The following GART variants were observed in gnomAD, a reference collection of about 807,000 sequenced individuals.
GART encodes the protein trifunctional purine biosynthetic protein adenosine-3.
Under a neutral mutation model 107.2 loss-of-function variants are expected in GART, and 43 were observed. The ratio of observed to expected loss-of-function variants is 0.40; its 90% CI spans 0.31 to 0.52. The LOEUF (loss-of-function observed/expected upper bound fraction) is 0.52, where lower values mean the gene tolerates loss of function less well. Among genes scored for constraint, GART ranks in the 20% least tolerant of loss-of-function variants. The probability of loss-of-function intolerance (pLI) is 0.52; values close to 1 mark genes in which losing one functional copy is unlikely to be tolerated. For synonymous variants in GART, 434 were observed against 427.0 expected (o/e 1.02, Z -0.20); for missense variants, 1,107 against 1,206.5 (o/e 0.92, Z 1.22).
intron 17 of GART, among the ~76,000 whole-genome samples, chr21:33,510,958 T>C (rs968479939): frequency 6.6e-6 from 1 of 152,086 alleles, no homozygotes; most frequent in African/African-American, 2.4e-5. Context: ...CGCTATTCCT[T>C]GAATCGAGCT....
At chr21:33,526,802 A>C (rs2085082319) in intron 10 of GART, among the ~76,000 whole-genome samples, 1 of 152,214 alleles carries the variant, frequency 6.6e-6, no homozygotes, top group Non-Finnish European at 1.5e-5. Context: ...AAGTGACCAA[A>C]GGGGACAGTT....
Position 33,528,181 on chromosome 21 carries a change from C to A in GART, c.1052G>T (p.Gly351Val). ...CTGACACTCACCTGTTATCTCTACA[C>A]CCTTGGTGTAGTCTCCAGGATAACC... Reference protein sequence around the residue: ...SKGYPGDYTKGVEITGFPEAQ... With the variant: ...SKGYPGDYTKVVEITGFPEAQ... Residue 351 changes from glycine to valine, a missense_variant, in exon 10 of 22, where the codon GGT becomes GTT. By Grantham distance (109) the Gly-to-Val change is moderately radical. Coordinates refer to ENST00000381815, the MANE Select transcript of GART (RefSeq NM_000819.5). 1.9e-6 allele frequency: 3 copies of A among 1,613,680 alleles called. No homozygotes were observed. The highest frequency in any genetic ancestry group is 2.5e-6 in the Non-Finnish European group (3 of 1,179,836).
In GART at chr21:33,517,563, T is replaced by C. The variant is rs755672047; in HGVS notation, c.1748A>G (p.Tyr583Cys). The C allele has an allele frequency of 6.2e-7, 1 of 1,614,222 alleles. No individual in the cohort carries two copies. Among genetic ancestry groups the C allele is most frequent in the South Asian group, 1.1e-5 (1 of 91,086 alleles). ...EMPDMYPPGEYDLAGFAVGAM... is the reference protein window; with the variant it reads ...EMPDMYPPGECDLAGFAVGAM... The stretch of plus-strand genomic sequence containing the variant: ...ACCAACGGCAAACCCAGCTAGGTCA[T>C]ACTCTCCAGGGGGATACATGTCAGG... Residue 583 changes from tyrosine (Y) to cysteine (C), a missense_variant, in exon 15 of 22, where the codon TAT becomes TGT. Physicochemically the swap from Tyr to Cys is radical, Grantham distance 194. Transcript: ENST00000381815.
chr21:33,511,357 C>T lies in GART; in HGVS notation c.2209G>A (p.Ala737Thr), dbSNP rs372288271. 32 of 1,614,042 alleles carry T rather than the reference C, an allele frequency of 2.0e-5. No homozygotes were observed. In the Middle Eastern group the frequency reaches 1.6e-3, roughly 83 times the overall value. Residue 737 changes from alanine to threonine, a missense_variant, in exon 17 of 22, where the codon GCT (alanine) becomes ACT (threonine). By Grantham distance (58) the Ala-to-Thr change is moderately conservative. Coordinates refer to ENST00000381815, the MANE Select transcript of GART (RefSeq NM_000819.5). ...MARTFNCGVG[A>T]VLVVSKEQTE... Reference sequence around the variant, plus strand: ...TGCTCCTTTGATACCACAAGGACAGCGCCAACCCCACAGTTAAATGTTCTG... The same window carrying T: ...TGCTCCTTTGATACCACAAGGACAGTGCCAACCCCACAGTTAAATGTTCTG...
chr21:33,531,581 T>A, intron 5 of GART, 24 bp from the exon 6 acceptor site: 1 of 1,574,386 alleles, frequency 6.4e-7, no homozygotes, highest in Non-Finnish European at 8.6e-7. Flanking sequence ...TTTTTTTTTT[T>A]TTTTTTTTAA....
At chr21:33,540,290 G>A (rs1051457476) in intron 1 of GART, among the ~76,000 whole-genome samples, 1 of 152,118 alleles carries the variant, frequency 6.6e-6, no homozygotes, top group Non-Finnish European at 1.5e-5. Flanking sequence ...ACCATCAAAG[G>A]TTTGTAACAA....
chr21:33,508,128 G>A (rs906679653), intron 18 of GART, among the ~76,000 whole-genome samples: 2 of 152,094 alleles, frequency 1.3e-5, no homozygotes, highest in African/African-American at 2.4e-5. Flanking sequence ...TGCTGCAAAC[G>A]ACGTGGTTTA....
Position 33,517,618 on chromosome 21 carries a change from TAAGAC to T in GART, c.1703-15_1703-11del, listed in dbSNP as rs2084902761. The T allele has an allele frequency of 6.2e-7, 1 of 1,613,954 alleles. No homozygotes were observed. Among genetic ancestry groups the T allele is most frequent in the African/African-American group, 1.3e-5 (1 of 75,058 alleles). On this transcript the variant is annotated splice_polypyrimidine_tract_variant and intron_variant, in intron 14 of 21. Coordinates refer to ENST00000381815, the MANE Select transcript of GART (RefSeq NM_000819.5). ...TCTGCTGTTTCACCTCCTGGTGGGA[TAAGAC>T]AAGAACAAAGAAATCAGAGTATTTA...
At chr21:33,520,223 T>G in intron 14 of GART, 141 bp downstream of exon 14, 1 of 690,780 alleles carries the variant, frequency 1.4e-6, no homozygotes, top group Non-Finnish European at 2.4e-6. Context: ...TTACCTATAT[T>G]TCATTTGTGC....
intron 7 of GART, among the ~76,000 whole-genome samples, chr21:33,530,487 G>T (rs993452345): frequency 1.8e-4 from 27 of 152,204 alleles, no homozygotes; most frequent in African/African-American, 6.5e-4. Flanking sequence ...AGGCTCCCAT[G>T]TGTTAAAAAT....
intron 12 of GART, among the ~76,000 whole-genome samples, 157 bp downstream of exon 12, chr21:33,522,024 TAATATTA>T (rs1392912154): frequency 6.6e-6 from 1 of 151,960 alleles, no homozygotes; most frequent in African/African-American, 2.4e-5. Flanking sequence ...AGAAATACTT[TAATATTA>T]AAGAAAAGAA....
chr21:33,539,197 G>A lies in GART; in HGVS notation c.119C>T (p.Ala40Val), dbSNP rs757263290. The change falls in exon 2 of 22, where the codon GCC (alanine) becomes GTC (valine). Residue 40 changes from alanine to valine, a missense_variant. Transcript: ENST00000381815. ...GGTATTTGAAATCTTTTCAGAGCAG[G>A]CAGTGCCTGCGTTTCCTGGGGCAAC... ...VLVAPGNAGTACSEKISNTAI... is the reference protein window; with the variant it reads ...VLVAPGNAGTVCSEKISNTAI... The A allele has an allele frequency of 3.1e-6, 5 of 1,613,688 alleles. No individual in the cohort carries two copies. The highest frequency in any genetic ancestry group is 2.2e-5 in the East Asian group (1 of 44,888).
In GART at chr21:33,517,572, G is replaced by T. The variant is rs377766009; in HGVS notation, c.1739C>A (p.Pro580His). ...AAACCCAGCTAGGTCATACTCTCCA[G>T]GGGGATACATGTCAGGCATTTCTGC... is the stretch of plus-strand genomic sequence containing the variant. ...ETAEMPDMYP[P>H]GEYDLAGFAV... Residue 580 changes from proline (P) to histidine (H), a missense_variant, in exon 15 of 22, where the codon CCT (proline) becomes CAT (histidine). Coordinates refer to ENST00000381815, the MANE Select transcript of GART (RefSeq NM_000819.5). The T allele has an allele frequency of 6.2e-7, 1 of 1,614,202 alleles. No homozygotes were observed. Among genetic ancestry groups the T allele is most frequent in the Admixed American group, 1.7e-5 (1 of 60,016 alleles).
intron 18 of GART, among the ~76,000 whole-genome samples, chr21:33,508,970 CT>C (rs988212519): frequency 5.9e-5 from 9 of 152,152 alleles, no homozygotes; most frequent in African/African-American, 2.2e-4. Context: ...TGGTTTTATT[CT>C]TTTTTATGGC....
In GART at chr21:33,509,866, G is replaced by A; in HGVS notation, c.2369C>T (p.Ser790Leu). The A allele has an allele frequency of 6.2e-7, 1 of 1,613,164 alleles. No individual in the cohort carries two copies. Among genetic ancestry groups the A allele is most frequent in the Non-Finnish European group, 8.5e-7 (1 of 1,179,432 alleles). ...TGTCAGGGAGCCATTCTTCAACACT[G>A]ACCCATTTATTTGCATGCTTTCAAT... The part of the protein sequence containing the change: ...NLIESMQING[S>L]VLKNGSLTNH... The change falls in exon 18 of 22, where the codon TCA becomes TTA. Residue 790 changes from serine to leucine, a missense_variant. Transcript: ENST00000381815.
intron 16 of GART, among the ~76,000 whole-genome samples, chr21:33,512,757 TA>T (rs35202323): frequency 0.4 from 29,936 of 74,918 alleles, 3,279 homozygotes; most frequent in East Asian, 0.5. Context: ...CCTGGCTATT[TA>T]AAAAATTTTT....
Position 33,513,352 on chromosome 21 carries a change from A to T in GART, c.2108-1894T>A, listed in dbSNP as rs977633651. On this transcript the variant is annotated intron_variant, in intron 16 of 21. Coordinates refer to ENST00000381815, the MANE Select transcript of GART (RefSeq NM_000819.5). ...TTTAGGAGGCCGAGGCCCGCAGATC[A>T]CGAAGTCAGGAGTTCGACACCAGCC... Among the ~76,000 whole-genome samples the T allele has an allele frequency of 2.6e-5, 4 of 152,024 alleles. No homozygotes were observed. The East Asian group carries it at 5.8e-4, about 22-fold the overall frequency.
At chr21:33,518,259 GAT>G (rs2145706791) in intron 14 of GART, among the ~76,000 whole-genome samples, 1 of 152,228 alleles carries the variant, frequency 6.6e-6, no homozygotes, top group East Asian at 1.9e-4. Flanking sequence ...GAGGCAGGTG[GAT>G]CAGGTCAGGA....
intron 4 of GART, among the ~76,000 whole-genome samples, chr21:33,533,970 A>C (rs938009003): frequency 2.0e-5 from 3 of 152,102 alleles, no homozygotes; most frequent in Admixed American, 6.5e-5. Flanking sequence ...AAGAGCGCAC[A>C]ACTGCAGAAC....
Sources: allele counts gnomAD v4.1 joint callset (sites outside exome capture counted in the v4.1 genomes callset), GRCh38; gene constraint gnomAD v4.1.1; transcripts MANE v1.5; gene names NCBI Gene and HGNC (gene_info 2026-07-23, HGNC 2026-07-21).